Variants in FAAH2 observed in about 807,000 individuals in gnomAD.
FAAH2 encodes the protein fatty acid amide hydrolase 2.
In FAAH2, 60 loss-of-function variants were observed where a neutral mutation model predicts 36.9. The ratio of observed to expected loss-of-function variants is 1.63; its 90% CI spans 1.32 to 2.02. FAAH2 has a LOEUF of 2.02. Ranked by LOEUF, FAAH2 falls within the 30% of genes most tolerant of loss-of-function variation. The pLI, the probability that FAAH2 is intolerant of heterozygous loss-of-function variation, is 0.00. For missense variants in FAAH2, 689 were observed against 397.5 expected (o/e 1.73, Z -6.23); for synonymous variants, 214 against 143.8 (o/e 1.49, Z -3.49).
chrX:57,182,769 A>G, the FAAH2 span, among the ~76,000 whole-genome samples: 1 of 111,788 alleles, frequency 8.9e-6, no homozygotes, highest in African/African-American at 3.3e-5. Flanking sequence ...ACTCTTCACA[A>G]TAGCAAAGAC....
At chrX:57,409,205 T>C (rs2055639908) in intron 7 of FAAH2, among the ~76,000 whole-genome samples, 2 of 111,880 alleles carry the variant, frequency 1.8e-5, no homozygotes, top group Non-Finnish European at 3.8e-5. Context: ...CAAAACATCA[T>C]ATGCAGCACA....
At chrX:57,444,448 G>A (rs1271420610) in intron 8 of FAAH2, among the ~76,000 whole-genome samples, 1 of 111,886 alleles carries the variant, frequency 8.9e-6, no homozygotes, top group Non-Finnish European at 1.9e-5. Flanking sequence ...GTTTGCTAAC[G>A]CCATTGGAAA....
At position 57,352,121 on chromosome X, in the gene FAAH2, C is replaced by T. The variant is rs868672548; in HGVS notation, c.742+10731C>T. On this transcript the variant is annotated intron_variant, in intron 5 of 10. Transcript: ENST00000374900. ...ATATATATATATGTGTATATATATG[C>T]ACATATATATATATGTGTATATATA... Among the ~76,000 whole-genome samples, 30 of 39,454 alleles carry T rather than the reference C, an allele frequency of 7.6e-4. 2 individuals are homozygous for T. The highest frequency in any genetic ancestry group is 1.0e-3 in the Non-Finnish European group (26 of 25,341). The allele number at this position is 39,454 out of a possible 115,157, so 34.3% of individuals were successfully genotyped here. A position where few individuals can be genotyped will look rare whatever the true frequency, so the allele number is the denominator to read the frequency against.
chrX:57,386,971 T>C (rs907741713), intron 7 of FAAH2, among the ~76,000 whole-genome samples: 1 of 112,148 alleles, frequency 8.9e-6, no homozygotes, highest in Non-Finnish European at 1.9e-5. Flanking sequence ...GGAGTTTCAT[T>C]TCATATTGGA....
chrX:57,423,421 C>T (rs1438571738), intron 7 of FAAH2, among the ~76,000 whole-genome samples: 1 of 110,868 alleles, frequency 9.0e-6, no homozygotes, highest in Admixed American at 9.6e-5. Context: ...CAGTTTTGTT[C>T]CAATCAGGGA....
intron 2 of FAAH2, among the ~76,000 whole-genome samples, chrX:57,294,818 C>T (rs893099852): frequency 2.7e-5 from 3 of 111,469 alleles, no homozygotes; most frequent in African/African-American, 9.8e-5. Context: ...TCTGAGCTCC[C>T]AGAGCACATT....
chrX:57,214,093 G>A, the FAAH2 span, among the ~76,000 whole-genome samples: 2 of 111,656 alleles, frequency 1.8e-5, no homozygotes, highest in African/African-American at 6.5e-5. Context: ...TTGATTTAAA[G>A]TCTGTTGCCT....
At chrX:57,441,644 C>A (rs1256948731) in intron 8 of FAAH2, among the ~76,000 whole-genome samples, 1 of 109,516 alleles carries the variant, frequency 9.1e-6, no homozygotes, top group Non-Finnish European at 1.9e-5. Flanking sequence ...TTCTTGCATT[C>A]TGTTAGCTTT....
the FAAH2 span, among the ~76,000 whole-genome samples, chrX:57,158,842 A>C: frequency 9.0e-6 from 1 of 111,566 alleles, no homozygotes; most frequent in Non-Finnish European, 1.9e-5. Context: ...GAAGCTCTTT[A>C]GTTTAATTAG....
rs190139377 is a variant in FAAH2 at position 57,461,837 on chromosome X, A to C, written c.1423+13119A>C. 4.5e-5 allele frequency among the ~76,000 whole-genome samples: 5 copies of C among 109,991 alleles called. No individual in the cohort carries two copies. In the Admixed American group the frequency reaches 4.9e-4, roughly 11 times the overall value. On this transcript the variant is annotated intron_variant, in intron 10 of 10. Coordinates refer to ENST00000374900, the MANE Select transcript of FAAH2 (RefSeq NM_174912.4). ...GGAGATAAAGACTCAAAAAAACTTT[A>C]AAAAAAATCAATGAATACAGGAGCT...
intron 10 of FAAH2, among the ~76,000 whole-genome samples, chrX:57,481,384 A>G (rs2057376001): frequency 9.1e-6 from 1 of 110,406 alleles, no homozygotes; most frequent in Admixed American, 9.6e-5. Context: ...GTATTTATTT[A>G]CCTTTGATCT....
At chrX:57,382,872 A>T (rs757614513) in intron 7 of FAAH2, among the ~76,000 whole-genome samples, 4 of 111,671 alleles carry the variant, frequency 3.6e-5, no homozygotes, top group African/African-American at 1.3e-4. Context: ...AGACACAACC[A>T]AGAAAGAGAA....
the FAAH2 span, among the ~76,000 whole-genome samples, chrX:57,214,593 A>T: frequency 9.1e-6 from 1 of 110,254 alleles, no homozygotes; most frequent in Admixed American, 9.7e-5. Context: ...TGCCTGGCTA[A>T]TTTTTTTGTA....
Position 57,378,696 on chromosome X carries a change from A to G in FAAH2, c.788A>G (p.Gln263Arg), listed in dbSNP as rs754714528. The G allele has an allele frequency of 2.2e-5, 27 of 1,209,188 alleles. No individual in the cohort carries two copies. In the East Asian group the frequency reaches 7.4e-4, roughly 33 times the overall value. The change falls in exon 6 of 11, where the codon CAG becomes CGG. Residue 263 changes from glutamine (Q) to arginine (R), a missense_variant. By Grantham distance (43) the Gln-to-Arg change is conservative (BLOSUM62 1). Coordinates refer to ENST00000374900, the MANE Select transcript of FAAH2 (RefSeq NM_174912.4). ...CAGTTTCCCTTGGCTGTGGGAGCCCAGGAGTTGTTTCTGTGCACTGGTCCT... is the reference window on the plus strand; with the variant it reads ...CAGTTTCCCTTGGCTGTGGGAGCCCGGGAGTTGTTTCTGTGCACTGGTCCT... ...KGQFPLAVGA[Q>R]ELFLCTGPMC...
the FAAH2 span, among the ~76,000 whole-genome samples, chrX:57,163,522 G>T: frequency 8.9e-6 from 1 of 111,762 alleles, no homozygotes; most frequent in African/African-American, 3.2e-5. Flanking sequence ...GACTCCGTGG[G>T]CGTAGGACCC....
intron 5 of FAAH2, among the ~76,000 whole-genome samples, chrX:57,343,414 T>A (rs1352291674): frequency 8.9e-6 from 1 of 111,942 alleles, no homozygotes; most frequent in Non-Finnish European, 1.9e-5. Context: ...TGCTTGTACA[T>A]CTTCTTTTGA....
the FAAH2 span, among the ~76,000 whole-genome samples, chrX:57,272,074 C>T: frequency 9.3e-6 from 1 of 107,975 alleles, no homozygotes; most frequent in South Asian, 4.1e-4. Context: ...TCTGATGGAG[C>T]TGAAAAACAC....
At chrX:57,390,908 T>A (rs2055151297) in intron 7 of FAAH2, among the ~76,000 whole-genome samples, 1 of 111,466 alleles carries the variant, frequency 9.0e-6, no homozygotes, top group African/African-American at 3.2e-5. Flanking sequence ...CCATACTGTT[T>A]TCCACAGAAA....
At chrX:57,398,646 CT>C (rs991367905) in intron 7 of FAAH2, among the ~76,000 whole-genome samples, 5 of 110,312 alleles carry the variant, frequency 4.5e-5, no homozygotes, top group African/African-American at 1.7e-4. Flanking sequence ...GCTCAAATGT[CT>C]AGGTTTTATA....
Sources: allele counts gnomAD v4.1 joint callset (sites outside exome capture counted in the v4.1 genomes callset), GRCh38; gene constraint gnomAD v4.1.1; transcripts MANE v1.5; gene names NCBI Gene and HGNC (gene_info 2026-07-23, HGNC 2026-07-21).